The following MAPT variants were observed in gnomAD, a reference collection of about 807,000 sequenced individuals.
The protein encoded by MAPT is microtubule associated protein tau.
Under a neutral mutation model 67.9 loss-of-function variants are expected in MAPT, and 34 were observed. The observed-to-expected ratio is 0.50, with a 90% CI of 0.38 to 0.67. MAPT has a LOEUF of 0.67. Among genes scored for constraint, MAPT ranks in the 30% least tolerant of loss-of-function variants. The probability of loss-of-function intolerance (pLI) is 0.00; values close to 1 mark genes in which losing one functional copy is unlikely to be tolerated. For missense variants in MAPT, 881 were observed against 1,115.2 expected (o/e 0.79, Z 2.99); for synonymous variants, 456 against 464.5 (o/e 0.98, Z 0.23).
chr17:45,989,049 G>C lies in MAPT; in HGVS notation c.1408-829G>C, dbSNP rs148784104. Among the ~76,000 whole-genome samples, 9 of 152,174 alleles carry C rather than the reference G, an allele frequency of 5.9e-5. No homozygotes were observed. The East Asian group carries it at 9.6e-4, about 16-fold the overall frequency. On this transcript the variant is annotated intron_variant, in intron 6 of 12. Transcript: ENST00000262410. Reference sequence around the variant, plus strand: ...GGTAGAATCTTTCCAACTTGGGGGGGGCACACTCCTGATTGTAGCCATATG... The same window carrying C: ...GGTAGAATCTTTCCAACTTGGGGGGCGCACACTCCTGATTGTAGCCATATG...
chr17:45,899,074 C>T (rs1451244716), intron 1 of MAPT, among the ~76,000 whole-genome samples: 1 of 152,190 alleles, frequency 6.6e-6, no homozygotes, highest in Non-Finnish European at 1.5e-5. Context: ...GAAGAGAAGA[C>T]CCCAGCCTCA....
chr17:45,972,466 A>G (rs2071810395), intron 3 of MAPT, among the ~76,000 whole-genome samples: 1 of 152,118 alleles, frequency 6.6e-6, no homozygotes, highest in Admixed American at 6.5e-5. Context: ...CACCTCGCAT[A>G]CTTTCTGACA....
intron 1 of MAPT, among the ~76,000 whole-genome samples, chr17:45,952,782 T>C (rs1194436500): frequency 6.6e-6 from 1 of 152,154 alleles, no homozygotes; most frequent in Non-Finnish European, 1.5e-5. Flanking sequence ...AGAAGTGGCT[T>C]GGTTACCCAG....
In MAPT at chr17:46,024,645, A is replaced by T; in HGVS notation, c.*474A>T. 5.3e-6 allele frequency: 1 copy of T among 189,328 alleles called. No individual in the cohort carries two copies. Among genetic ancestry groups the T allele is most frequent in the Non-Finnish European group, 9.8e-6 (1 of 101,592 alleles). 11.7% of individuals were successfully genotyped at this position (189,328 alleles called of 1,614,324 possible). On this transcript the variant is annotated 3_prime_UTR_variant, in exon 13 of 13. Transcript: ENST00000262410. ...AAACTTGGTGTGTTCGTGGAGCCACAGGCAGACGATGTCAACCTTGTGTGA... is the reference window on the plus strand; with the variant it reads ...AAACTTGGTGTGTTCGTGGAGCCACTGGCAGACGATGTCAACCTTGTGTGA...
At chr17:46,012,709 C>T (rs1217139969) in intron 10 of MAPT, among the ~76,000 whole-genome samples, 1 of 152,098 alleles carries the variant, frequency 6.6e-6, no homozygotes, top group African/African-American at 2.4e-5. Context: ...CTCCCACTGC[C>T]ATCCACTCCT....
chr17:45,948,187 G>A (rs1437495832), intron 1 of MAPT, among the ~76,000 whole-genome samples: 3 of 152,022 alleles, frequency 2.0e-5, no homozygotes, highest in Non-Finnish European at 4.4e-5. Flanking sequence ...TGTACTTTTG[G>A]TAGAGACAGG....
intron 1 of MAPT, among the ~76,000 whole-genome samples, chr17:45,942,688 G>A (rs2068105100): frequency 6.6e-6 from 1 of 152,300 alleles, no homozygotes; most frequent in South Asian, 2.1e-4. Context: ...CTGAAAAGCT[G>A]TTTAGTTTGA....
At position 46,010,033 on chromosome 17, in the gene MAPT, C is replaced by T. The variant is rs1300817789; in HGVS notation, c.1999-277C>T. Among the ~76,000 whole-genome samples, 1 of 152,212 alleles carries T rather than the reference C, an allele frequency of 6.6e-6. No homozygotes were observed. Among genetic ancestry groups the T allele is most frequent in the Non-Finnish European group, 1.5e-5 (1 of 68,050 alleles). ...ATGCCATCCTTTTGTGAAGTGAGGA[C>T]CTGCAATCCCAGCTTCGTAAAGCCC... On this transcript the variant is annotated intron_variant, in intron 9 of 12. Coordinates refer to ENST00000262410, the MANE Select transcript of MAPT (RefSeq NM_001377265.1). The surrounding 1 kb of genome is among the most constrained non-coding windows in gnomAD (Gnocchi z 4.7).
At chr17:45,982,829 T>C in intron 4 of MAPT, 37 bp from the exon 5 acceptor site, 1 of 1,185,726 alleles carries the variant, frequency 8.4e-7, no homozygotes, top group Non-Finnish European at 1.1e-6. Flanking sequence ...TAATGCGCCC[T>C]TGCTAACCTT....
intron 1 of MAPT, among the ~76,000 whole-genome samples, chr17:45,953,003 T>TATTATGATG (rs2069239841): frequency 1.3e-5 from 2 of 149,420 alleles, no homozygotes; most frequent in Non-Finnish European, 3.0e-5. Flanking sequence ...TCATAACACC[T>TATTATGATG]ATGATGATGA....
intron 1 of MAPT, among the ~76,000 whole-genome samples, chr17:45,945,207 G>C (rs975773580): frequency 6.6e-6 from 1 of 152,220 alleles, no homozygotes; most frequent in African/African-American, 2.4e-5. Context: ...AGCCTGGGCA[G>C]CTGAACATCA....
chr17:46,018,837 C>T, intron 12 of MAPT, 107 bp downstream of exon 12: 2 of 809,512 alleles, frequency 2.5e-6, no homozygotes, highest in Non-Finnish European at 4.3e-6. Flanking sequence ...ACAGAGGCTT[C>T]TGTGTTGACT....
chr17:45,923,683 C>T (rs956073953), intron 1 of MAPT, among the ~76,000 whole-genome samples: 10 of 152,226 alleles, frequency 6.6e-5, no homozygotes, highest in Admixed American at 3.3e-4. Context: ...TTGAATAATA[C>T]AACCAGTGGG....
intron 9 of MAPT, among the ~76,000 whole-genome samples, chr17:46,002,752 C>CT (rs2075107929): frequency 6.6e-6 from 1 of 152,134 alleles, no homozygotes; most frequent in Non-Finnish European, 1.5e-5. Flanking sequence ...GGGCCGCAGC[C>CT]TGGGTGGCTG....
intron 1 of MAPT, among the ~76,000 whole-genome samples, chr17:45,947,383 C>CTTT (rs374326954): frequency 7.2e-6 from 1 of 138,434 alleles, no homozygotes. Flanking sequence ...CTTTCTTTTT[C>CTTT]TTTTTTTTTT....
chr17:45,932,547 T>C (rs1055406278), intron 1 of MAPT, among the ~76,000 whole-genome samples: 4 of 141,886 alleles, frequency 2.8e-5, no homozygotes, highest in Admixed American at 7.4e-5. Context: ...CCGAGATCTA[T>C]CTGCACCATT....
rs571451511 is a variant in MAPT, at chr17:45,904,548, T to G, written c.-18+9862T>G. The stretch of plus-strand genomic sequence containing the variant: ...ACAAAAGGAAACTGTAAAAATTAGC[T>G]GGGCATGATGGCATGTGTCTGTAGC... On this transcript the variant is annotated intron_variant, in intron 1 of 12. Transcript: ENST00000262410. 3.3e-5 allele frequency among the ~76,000 whole-genome samples: 5 copies of G among 149,534 alleles called. No homozygotes were observed. The South Asian group carries it at 1.0e-3, about 31-fold the overall frequency.
intron 11 of MAPT, among the ~76,000 whole-genome samples, chr17:46,015,939 C>A (rs1377016606): frequency 2.6e-5 from 4 of 152,168 alleles, no homozygotes; most frequent in African/African-American, 9.7e-5. Context: ...GTTCTCCCTG[C>A]AAGCTGTCCA....
Position 46,025,128 on chromosome 17 carries a change from TGCCATGATTTTG to T in MAPT, c.*962_*973del, listed in dbSNP as rs2146237344. Reference sequence around the variant, plus strand: ...ATTGAGTTCTGAAGGTTGGAACTGCTGCCATGATTTTGGCCACTTTGCAGACCTGGGACTTTA... The same window carrying T: ...ATTGAGTTCTGAAGGTTGGAACTGCTGCCACTTTGCAGACCTGGGACTTTA... On this transcript the variant is annotated 3_prime_UTR_variant, in exon 13 of 13. Transcript: ENST00000262410. 1 of 152,736 alleles carries T rather than the reference TGCCATGATTTTG, an allele frequency of 6.5e-6. No homozygotes were observed. Among genetic ancestry groups the T allele is most frequent in the Admixed American group, 6.5e-5 (1 of 15,310 alleles). 9.5% of individuals were successfully genotyped at this position (152,736 alleles called of 1,614,324 possible).
Sources: gnomAD v4.1 joint callset for allele counts (sites outside exome capture counted in the v4.1 genomes callset) on GRCh38, gnomAD v4.1.1 for gene constraint, Gnocchi (gnomAD v3.1) non-coding constraint, MANE v1.5 for transcripts, NCBI Gene and HGNC (gene_info 2026-07-23, HGNC 2026-07-21) for gene names.